ENTREP2: variants seen among roughly 807,000 people sequenced by gnomAD.
ENTREP2 encodes protein ENTREP2.
chr15:29,643,493 C>T, the ENTREP2 span, among the ~76,000 whole-genome samples: 2 of 151,382 alleles, frequency 1.3e-5, no homozygotes, highest in South Asian at 2.1e-4. Flanking sequence ...TCAAAAAAGA[C>T]ATGAAGAGGC....
chr15:29,658,276 T>G, the ENTREP2 span, among the ~76,000 whole-genome samples: 2 of 152,324 alleles, frequency 1.3e-5, no homozygotes, highest in East Asian at 1.9e-4. Flanking sequence ...CCTGCCACCT[T>G]GTGAAGAAAG....
chr15:29,574,501 C>A, the ENTREP2 span, among the ~76,000 whole-genome samples: 1 of 152,146 alleles, frequency 6.6e-6, no homozygotes, highest in Non-Finnish European at 1.5e-5. Flanking sequence ...ACCATGTTGG[C>A]CAGGATGGTC....
the ENTREP2 span, among the ~76,000 whole-genome samples, chr15:29,671,901 C>G: frequency 6.6e-6 from 1 of 152,208 alleles, no homozygotes; most frequent in African/African-American, 2.4e-5. Context: ...TGAATTCCAC[C>G]TACAGTGGCA....
the ENTREP2 span, among the ~76,000 whole-genome samples, chr15:29,258,230 A>G: frequency 0.36 from 45,396 of 126,428 alleles, 8,857 homozygotes; most frequent in Non-Finnish European, 0.44. Context: ...AAAAAAAAAA[A>G]AAAGAAAGAA....
chr15:29,324,692 G>C, the ENTREP2 span, among the ~76,000 whole-genome samples: 74 of 152,246 alleles, frequency 4.9e-4, no homozygotes, highest in African/African-American at 1.6e-3. Flanking sequence ...ATAAAGGTCA[G>C]TTTCCAAGAA....
the ENTREP2 span, among the ~76,000 whole-genome samples, chr15:29,292,664 AGCCACTG>A: frequency 1.3e-5 from 2 of 152,340 alleles, no homozygotes; most frequent in African/African-American, 4.8e-5. Context: ...TACAAGCATG[AGCCACTG>A]CGCCCAGCAA....
chr15:29,649,743 AAAG>A, the ENTREP2 span, among the ~76,000 whole-genome samples: 5 of 150,656 alleles, frequency 3.3e-5, no homozygotes, highest in African/African-American at 7.4e-5. Flanking sequence ...AAAAAAAAAA[AAAG>A]AAAGAAAGAA....
chr15:29,325,980 G>T, the ENTREP2 span, among the ~76,000 whole-genome samples: 2 of 152,106 alleles, frequency 1.3e-5, no homozygotes, highest in Admixed American at 6.5e-5. Flanking sequence ...AGGCTAATGA[G>T]GAAAAATCAT....
At chr15:29,309,545 C>A in the ENTREP2 span, among the ~76,000 whole-genome samples, 82 of 152,134 alleles carry the variant, frequency 5.4e-4, 1 homozygote, top group Non-Finnish European at 5.9e-5. Context: ...TTTGGGAGGA[C>A]AAGGCAGGTG....
At chr15:29,291,343 C>T in the ENTREP2 span, among the ~76,000 whole-genome samples, 20 of 152,164 alleles carry the variant, frequency 1.3e-4, no homozygotes, top group African/African-American at 4.8e-4. Context: ...CATCCTTGTA[C>T]TCTGATGTCT....
chr15:29,269,533 T>C, the ENTREP2 span: 4 of 1,523,750 alleles, frequency 2.6e-6, no homozygotes, highest in Admixed American at 2.1e-5. Context: ...CTGCGACCCC[T>C]GCGAGCCGCC....
the ENTREP2 span, among the ~76,000 whole-genome samples, chr15:29,153,702 T>C: frequency 6.6e-6 from 1 of 152,284 alleles, no homozygotes; most frequent in Non-Finnish European, 1.5e-5. Context: ...TTTTGTTCCA[T>C]ACTTTTGGTG....
chr15:29,220,143 T>C, the ENTREP2 span, among the ~76,000 whole-genome samples: 1 of 152,206 alleles, frequency 6.6e-6, no homozygotes, highest in African/African-American at 2.4e-5. Context: ...TAGGGCTTAT[T>C]TGAGGCTGTG....
chr15:29,169,657 A>C, the ENTREP2 span, among the ~76,000 whole-genome samples: 1 of 152,226 alleles, frequency 6.6e-6, no homozygotes, highest in Non-Finnish European at 1.5e-5. Context: ...TTATTAATGG[A>C]ATTCACTACA....
the ENTREP2 span, among the ~76,000 whole-genome samples, chr15:29,229,584 G>A: frequency 6.6e-6 from 1 of 152,070 alleles, no homozygotes; most frequent in African/African-American, 2.4e-5. Flanking sequence ...GTTGCCAAAT[G>A]TGAAAAAGGA....
the ENTREP2 span, among the ~76,000 whole-genome samples, chr15:29,435,927 G>T: frequency 6.6e-6 from 1 of 152,064 alleles, no homozygotes; most frequent in African/African-American, 2.4e-5. Context: ...CATGACAGCA[G>T]AGCACAGGCA....
the ENTREP2 span, among the ~76,000 whole-genome samples, chr15:29,345,496 T>C: frequency 3.9e-5 from 6 of 152,166 alleles, no homozygotes; most frequent in East Asian, 1.2e-3. Flanking sequence ...CTTCTACCCC[T>C]GCAAGCCCAC....
chr15:29,210,236 T>C, the ENTREP2 span, among the ~76,000 whole-genome samples: 1 of 152,180 alleles, frequency 6.6e-6, no homozygotes, highest in Non-Finnish European at 1.5e-5. Flanking sequence ...GGTAAGGTAC[T>C]AGACAACTGG....
chr15:29,656,019 G>GT, the ENTREP2 span, among the ~76,000 whole-genome samples: 30 of 111,794 alleles, frequency 2.7e-4, no homozygotes, highest in South Asian at 5.3e-3. Context: ...GCAACACTCC[G>GT]TTTAAAAAAA....
Sources: allele counts gnomAD v4.1 joint callset (sites outside exome capture counted in the v4.1 genomes callset), GRCh38; gene constraint gnomAD v4.1.1; transcripts MANE v1.5; gene names NCBI Gene and HGNC (gene_info 2026-07-23, HGNC 2026-07-21).